Variants in PTPRG observed in about 807,000 individuals in gnomAD.
PTPRG encodes the protein protein tyrosine phosphatase receptor type G.
A neutral mutation model predicts 165.3 loss-of-function variants in PTPRG; 102 were observed. That is an observed-to-expected ratio of 0.62 (90% CI 0.53 to 0.73). The LOEUF is 0.73. Among genes scored for constraint, PTPRG ranks in the 30% least tolerant of loss-of-function variants. The probability of loss-of-function intolerance (pLI) is 0.00; values close to 1 mark genes in which losing one functional copy is unlikely to be tolerated. For synonymous variants in PTPRG, 675 were observed against 669.5 expected, an observed-to-expected ratio of 1.01 and a Z score of -0.13; for missense variants, 1,866 against 1,861.4, an observed-to-expected ratio of 1.00 and a Z score of -0.05.
intron 2 of PTPRG, among the ~76,000 whole-genome samples, chr3:61,833,705 G>A (rs1575703930): frequency 6.6e-6 from 1 of 152,184 alleles, no homozygotes; most frequent in East Asian, 1.9e-4. Context: ...TGGAACTACA[G>A]GTACCCGCCA....
intron 1 of PTPRG, among the ~76,000 whole-genome samples, chr3:61,625,334 A>G (rs1701578267): frequency 6.6e-6 from 1 of 152,054 alleles, no homozygotes; most frequent in African/African-American, 2.4e-5. Flanking sequence ...AAAAAATCAA[A>G]TACTTCTTCA....
intron 15 of PTPRG, among the ~76,000 whole-genome samples, chr3:62,251,810 G>T (rs1206862695): frequency 6.6e-6 from 1 of 152,122 alleles, no homozygotes; most frequent in African/African-American, 2.4e-5. Flanking sequence ...ATGGACCTGG[G>T]TTCAAATCTC....
At chr3:61,745,047 C>T (rs370668814) in intron 1 of PTPRG, among the ~76,000 whole-genome samples, 29 of 92,608 alleles carry the variant, frequency 3.1e-4, no homozygotes, top group African/African-American at 9.4e-4. Context: ...CATTCATTCC[C>T]TCACTTTTTT....
intron 15 of PTPRG, among the ~76,000 whole-genome samples, chr3:62,251,778 A>C (rs573181610): frequency 6.6e-6 from 1 of 152,350 alleles, no homozygotes; most frequent in East Asian, 1.9e-4. Flanking sequence ...CCTAGTACAC[A>C]GGAATACAGT....
chr3:62,172,483 C>T (rs946969698), intron 8 of PTPRG, among the ~76,000 whole-genome samples: 1 of 152,148 alleles, frequency 6.6e-6, no homozygotes, highest in African/African-American at 2.4e-5. Context: ...TTCTGATTTC[C>T]ATCTCCTTAA....
chr3:61,919,593 A>C (rs563850255), intron 2 of PTPRG, among the ~76,000 whole-genome samples: 2 of 152,116 alleles, frequency 1.3e-5, no homozygotes, highest in Non-Finnish European at 2.9e-5. Flanking sequence ...TTGGGGAGTG[A>C]AGATGGACAA....
intron 1 of PTPRG, among the ~76,000 whole-genome samples, chr3:61,700,464 A>G (rs1490488349): frequency 6.6e-6 from 1 of 152,202 alleles, no homozygotes; most frequent in Non-Finnish European, 1.5e-5. Flanking sequence ...CCTTTTCTTT[A>G]TATTTAGCTT....
chr3:62,084,996 AT>A (rs1701700896), intron 5 of PTPRG, among the ~76,000 whole-genome samples: 1 of 152,164 alleles, frequency 6.6e-6, no homozygotes, highest in African/African-American at 2.4e-5. Flanking sequence ...TTAGCTACAA[AT>A]TATAAAAAAT....
intron 1 of PTPRG, among the ~76,000 whole-genome samples, chr3:61,748,310 T>C (rs957740923): frequency 6.6e-6 from 1 of 152,230 alleles, no homozygotes; most frequent in Non-Finnish European, 1.5e-5. Flanking sequence ...TTTTCTCATC[T>C]ACTGCATACC....
At chr3:62,145,036 T>C (rs557645172) in intron 6 of PTPRG, among the ~76,000 whole-genome samples, 1 of 152,134 alleles carries the variant, frequency 6.6e-6, no homozygotes, top group African/African-American at 2.4e-5. Flanking sequence ...ATACCTCCAT[T>C]TGCCTACTGC....
chr3:61,933,012 A>G (rs947858035), intron 2 of PTPRG, among the ~76,000 whole-genome samples: 1 of 152,204 alleles, frequency 6.6e-6, no homozygotes, highest in Non-Finnish European at 1.5e-5. Context: ...TCTGAAACCC[A>G]TATGGCTGAG....
intron 2 of PTPRG, among the ~76,000 whole-genome samples, chr3:61,852,825 A>C (rs1001016017): frequency 6.6e-6 from 1 of 152,180 alleles, no homozygotes; most frequent in African/African-American, 2.4e-5. Context: ...TCTTGTTTCC[A>C]GGGGCCTATT....
intron 2 of PTPRG, among the ~76,000 whole-genome samples, chr3:61,919,900 T>A (rs1002842766): frequency 2.0e-5 from 3 of 152,220 alleles, no homozygotes; most frequent in Admixed American, 6.5e-5. Flanking sequence ...AAGGTTTAAG[T>A]AAAAGCAGTC....
Position 61,749,164 on chromosome 3 carries a change from C to G in PTPRG, c.190+182C>G. 4.3e-6 allele frequency: 3 copies of G among 692,406 alleles called. 1 individual carries two copies. Among genetic ancestry groups the G allele is most frequent in the Middle Eastern group, 5.6e-4 (2 of 3,580 alleles). The allele number at this position is 692,406 out of a possible 1,614,324, so 42.9% of individuals were successfully genotyped here. On this transcript the variant is annotated intron_variant, in intron 2 of 29. Transcript: ENST00000474889. The stretch of plus-strand genomic sequence containing the variant: ...CAAGGTTATAAGCACCTTAATTTAT[C>G]TCTACCACCTGTTTCCTCAACCTGT...
intron 4 of PTPRG, among the ~76,000 whole-genome samples, chr3:62,042,987 G>T (rs1342693205): frequency 6.6e-6 from 1 of 152,146 alleles, no homozygotes; most frequent in Non-Finnish European, 1.5e-5. Flanking sequence ...AGCACACGTA[G>T]TAAAAATAAA....
At chr3:62,146,965 C>T (rs1271584241) in intron 6 of PTPRG, among the ~76,000 whole-genome samples, 1 of 152,178 alleles carries the variant, frequency 6.6e-6, no homozygotes, top group Non-Finnish European at 1.5e-5. Context: ...TAAAGTGCTA[C>T]GTTGGGTGCT....
intron 2 of PTPRG, among the ~76,000 whole-genome samples, chr3:61,912,097 C>G (rs972673989): frequency 6.6e-6 from 1 of 152,042 alleles, no homozygotes. Context: ...TCTTATCTAG[C>G]TGCCTTCTAT....
chr3:61,562,611 C>T (rs6445224), intron 1 of PTPRG, among the ~76,000 whole-genome samples: 101,480 of 145,186 alleles, frequency 0.7, 35,365 homozygotes, highest in East Asian at 0.88. Flanking sequence ...CTGGGGGACG[C>T]GGGGGTCTGC....
intron 2 of PTPRG, among the ~76,000 whole-genome samples, chr3:61,843,315 T>C (rs11713744): frequency 0.26 from 39,250 of 152,086 alleles, 6,016 homozygotes; most frequent in East Asian, 0.52. Flanking sequence ...TTTAAAACAG[T>C]GTGGTACTGC....
Sources: gnomAD v4.1 joint callset for allele counts (sites outside exome capture counted in the v4.1 genomes callset) on GRCh38, gnomAD v4.1.1 for gene constraint, MANE v1.5 for transcripts, NCBI Gene and HGNC (gene_info 2026-07-23, HGNC 2026-07-21) for gene names.